Variants in MIEF2 observed in about 807,000 individuals in gnomAD.
MIEF2 encodes mitochondrial elongation factor 2, also known as mitochondrial dynamics protein MID49.
In MIEF2, 1 loss-of-function variant was observed where a neutral mutation model predicts 7.4. The ratio of observed to expected loss-of-function variants is 0.14; its 90% CI spans 0.05 to 0.64. The LOEUF is 0.64. MIEF2 is among the 30% of genes least tolerant of loss of function. MIEF2 has a pLI of 0.85. For missense variants in MIEF2, 569 were observed against 623.9 expected (o/e 0.91, Z 0.94); for synonymous variants, 275 against 290.5 (o/e 0.95, Z 0.54).
chr17:18,260,914 C>T (rs1198330156), intron 1 of MIEF2, among the ~76,000 whole-genome samples, 177 bp downstream of exon 1: 4 of 152,324 alleles, frequency 2.6e-5, no homozygotes, highest in African/African-American at 9.6e-5. Context: ...CCCTCTCGGT[C>T]TCTTGGTTTA....
At position 18,264,621 on chromosome 17, in the gene MIEF2, C is replaced by T; in HGVS notation, c.1222C>T (p.Leu408Phe). ...GERFLQALEL[L>F]IGSLEQASLP... Reference sequence around the variant, plus strand: ...GCGCTTCCTGCAAGCCCTGGAGCTGCTCATCGGCAGCCTGGAGCAGGCCAG... The same window carrying T: ...GCGCTTCCTGCAAGCCCTGGAGCTGTTCATCGGCAGCCTGGAGCAGGCCAG... Residue 408 changes from leucine to phenylalanine, a missense_variant, in exon 4 of 4, where the codon CTC (leucine) becomes TTC (phenylalanine). By Grantham distance (22) the Leu-to-Phe change is conservative. Coordinates refer to ENST00000323019, the MANE Select transcript of MIEF2 (RefSeq NM_139162.4). 6.2e-7 allele frequency: 1 copy of T among 1,611,442 alleles called. No homozygotes were observed. Among genetic ancestry groups the T allele is most frequent in the Non-Finnish European group, 8.5e-7 (1 of 1,180,000 alleles).
intron 3 of MIEF2, chr17:18,263,454 A>G: frequency 1.1e-6 from 1 of 893,916 alleles, no homozygotes. Context: ...TAGATGGGGA[A>G]ACTGAGGTCC....
intron 1 of MIEF2, among the ~76,000 whole-genome samples, chr17:18,261,827 C>G (rs1057132685): frequency 1.3e-5 from 2 of 152,238 alleles, no homozygotes; most frequent in African/African-American, 4.8e-5. Flanking sequence ...TACACATTGT[C>G]CCAAGACTGA....
At position 18,262,799 on chromosome 17, in the gene MIEF2, A is replaced by C; in HGVS notation, c.79A>C (p.Asn27His). The C allele has an allele frequency of 6.3e-7, 1 of 1,583,214 alleles. No homozygotes were observed. Among genetic ancestry groups the C allele is most frequent in the Non-Finnish European group, 8.6e-7 (1 of 1,164,846 alleles). ...LGSMVDFLLANARLVLGVGGA... is the reference protein window; with the variant it reads ...LGSMVDFLLAHARLVLGVGGA... ...CAGCATGGTGGACTTCCTCCTGGCC[A>C]ATGCCCGCCTGGTGCTGGGCGTGGG... The change falls in exon 2 of 4, where the codon AAT (asparagine) becomes CAT (histidine). Residue 27 changes from asparagine (N) to histidine (H), a missense_variant. Physicochemically the swap from Asn to His is moderately conservative, Grantham distance 68. Coordinates refer to ENST00000323019, the MANE Select transcript of MIEF2 (RefSeq NM_139162.4).
At chr17:18,261,815 C>T (rs1257271804) in intron 1 of MIEF2, among the ~76,000 whole-genome samples, 1 of 152,154 alleles carries the variant, frequency 6.6e-6, no homozygotes, top group Non-Finnish European at 1.5e-5. Flanking sequence ...CCCACCACTA[C>T]CTACACATTG....
rs1978631903 is a variant in MIEF2, at chr17:18,264,491, C to T, written c.1092C>T (p.Cys364=). The T allele has an allele frequency of 1.2e-6, 2 of 1,606,982 alleles. No homozygotes were observed. ...RRLLLLLCAV[C]RGCSALGQLG... The stretch of plus-strand genomic sequence containing the variant: ...TGCTGCTGCTGCTGTGTGCTGTCTG[C>T]CGTGGTTGCTCGGCTCTGGGGCAGC... The change falls in exon 4 of 4, where the codon TGC becomes TGT. Residue 364 remains cysteine, a synonymous_variant. Transcript: ENST00000323019.
At chr17:18,261,180 G>A in intron 1 of MIEF2, 20 of 1,551,528 alleles carry the variant, frequency 1.3e-5, no homozygotes, top group Non-Finnish European at 1.7e-5. Flanking sequence ...TATTTAAAGC[G>A]CTTTACAGTT....
At chr17:18,263,056 A>G in intron 2 of MIEF2, 30 bp from the exon 3 acceptor site, 4 of 1,608,172 alleles carry the variant, frequency 2.5e-6, no homozygotes, top group Non-Finnish European at 3.4e-6. Flanking sequence ...CAGATTTCAT[A>G]TACACTGATC....
intron 1 of MIEF2, among the ~76,000 whole-genome samples, chr17:18,261,835 T>C (rs1978433251): frequency 6.6e-6 from 1 of 152,254 alleles, no homozygotes; most frequent in Admixed American, 6.5e-5. Flanking sequence ...GTCCCAAGAC[T>C]GAGAGGCCCA....
Position 18,263,091 on chromosome 17 carries a change from T to C in MIEF2, c.153T>C (p.Ile51=), listed in dbSNP as rs1159395716. ...CTGTGTGACTGTGCTTGCAGTTCAT[T>C]GACAGGGCCACTAGCCCGCGGGATG... ...GIATLAVKRF[I]DRATSPRDED... The change falls in exon 3 of 4, where the codon ATT becomes ATC. Residue 51 remains isoleucine, a synonymous_variant. Coordinates refer to ENST00000323019, the MANE Select transcript of MIEF2 (RefSeq NM_139162.4). 2 of 1,613,084 alleles carry C rather than the reference T, an allele frequency of 1.2e-6. No individual in the cohort carries two copies. Among genetic ancestry groups the C allele is most frequent in the Admixed American group, 3.3e-5 (2 of 60,012 alleles).
chr17:18,260,803 A>T (rs1375750026), intron 1 of MIEF2, 66 bp downstream of exon 1: 1 of 326,012 alleles, frequency 3.1e-6, no homozygotes, highest in Non-Finnish European at 5.7e-6. Context: ...GCGCGACGGA[A>T]CGCAGATCGG....
Position 18,260,737 on chromosome 17 carries a change from G to A in MIEF2, c.-8G>A, listed in dbSNP as rs1016026386. The A allele has an allele frequency of 8.8e-6, 2 of 227,068 alleles. No homozygotes were observed. Among genetic ancestry groups the A allele is most frequent in the African/African-American group, 4.7e-5 (2 of 42,836 alleles). 14.1% of individuals were successfully genotyped at this position (227,068 alleles called of 1,614,324 possible). A position where few individuals can be genotyped will look rare whatever the true frequency, so the allele number is the denominator to read the frequency against. On this transcript the variant is annotated splice_region_variant and 5_prime_UTR_variant, in exon 1 of 4. Transcript: ENST00000323019. ...GTCGTCGTGCGGAAGCTGCGACGCA[G>A]GTACAGCTGGAGCGCGGCGGGGCGG...
At position 18,264,459 on chromosome 17, in the gene MIEF2, CG is replaced by C; in HGVS notation, c.1062del (p.Arg355GlyfsTer19). 1 of 1,603,034 alleles carries C rather than the reference CG, an allele frequency of 6.2e-7. No homozygotes were observed. The highest frequency in any genetic ancestry group is 8.5e-7 in the Non-Finnish European group (1 of 1,179,790). On this transcript the variant is annotated frameshift_variant, in exon 4 of 4. Transcript: ENST00000323019. LOFTEE classifies it low-confidence loss of function (END_TRUNC). Reference protein sequence around the residue: ...ALDDHDAGTRRRLLLLLCAVC... With the variant: ...ALDDHDAGTRXRLLLLLCAVC... Reference sequence around the variant, plus strand: ...GGACGACCATGACGCTGGGACTCGCCGGCGGCTGCTGCTGCTGCTGTGTGCT... The same window carrying C: ...GGACGACCATGACGCTGGGACTCGCCGCGGCTGCTGCTGCTGCTGTGTGCT...
chr17:18,264,800 G>A lies in MIEF2; in HGVS notation c.*36G>A, dbSNP rs1978661700. On this transcript the variant is annotated 3_prime_UTR_variant, in exon 4 of 4. Transcript: ENST00000323019. ...ACGGGTGGTTGCCATGTTTTCTAAT[G>A]CTGGGGAGCTGCACCCACCTCCCTT... 6.3e-7 allele frequency: 1 copy of A among 1,574,900 alleles called. No individual in the cohort carries two copies. The highest frequency in any genetic ancestry group is 1.4e-5 in the African/African-American group (1 of 73,884).
In MIEF2 at chr17:18,264,935, C is replaced by A; in HGVS notation, c.*171C>A. 1 of 1,258,572 alleles carries A rather than the reference C, an allele frequency of 7.9e-7. No individual in the cohort carries two copies. Among genetic ancestry groups the A allele is most frequent in the Non-Finnish European group, 1.1e-6 (1 of 944,090 alleles). The allele number at this position is 1,258,572 out of a possible 1,614,324, so 78.0% of individuals were successfully genotyped here. On this transcript the variant is annotated 3_prime_UTR_variant, in exon 4 of 4. Coordinates refer to ENST00000323019, the MANE Select transcript of MIEF2 (RefSeq NM_139162.4). ...GCTTGGGCTATGGTGGCCATAAACC[C>A]TGAGCCCAGAGAGCTTGGGTCACTG... is the stretch of plus-strand genomic sequence containing the variant.
At position 18,264,716 on chromosome 17, in the gene MIEF2, T is replaced by C. The variant is rs764210755; in HGVS notation, c.1317T>C (p.Ile439=). The C allele has an allele frequency of 6.2e-7, 1 of 1,612,678 alleles. No individual in the cohort carries two copies. The highest frequency in any genetic ancestry group is 8.5e-7 in the Non-Finnish European group (1 of 1,180,006). ...TGCGTGAGGAGGAGATTGACGACAT[T>C]GGCTATGCGCTATACAGTGGCCTAC... ...SSLREEEIDD[I]GYALYSGLQE... The change falls in exon 4 of 4, where the codon ATT becomes ATC. Residue 439 remains isoleucine (I), a synonymous_variant. Transcript: ENST00000323019.
chr17:18,261,095 C>T (rs1216301143), intron 1 of MIEF2: 5 of 1,551,088 alleles, frequency 3.2e-6, no homozygotes, highest in Non-Finnish European at 4.4e-6. Flanking sequence ...CTTCTCGGAG[C>T]TGGAAGGCTG....
chr17:18,266,384 C>T lies in MIEF2; in HGVS notation c.*1620C>T, dbSNP rs948046265. 2.6e-5 allele frequency: 4 copies of T among 152,120 alleles called. No individual in the cohort carries two copies. In the East Asian group the frequency reaches 7.7e-4, roughly 29 times the overall value. The allele number at this position is 152,120 out of a possible 1,614,324, so 9.4% of individuals were successfully genotyped here. A position where few individuals can be genotyped will look rare whatever the true frequency, so the allele number is the denominator to read the frequency against. The stretch of plus-strand genomic sequence containing the variant: ...AAAAAATTAGCTGGGCATGGTGGCA[C>T]ATGCCTGTAATCCCAGCTACTTGGG... On this transcript the variant is annotated 3_prime_UTR_variant, in exon 4 of 4. Coordinates refer to ENST00000323019, the MANE Select transcript of MIEF2 (RefSeq NM_139162.4).
At position 18,260,717 on chromosome 17, in the gene MIEF2, C is replaced by T. The variant is rs1291481342; in HGVS notation, c.-28C>T. ...TGGTCCCGCTGCCTCCTCCGGTCGT[C>T]GTGCGGAAGCTGCGACGCAGGTACA... On this transcript the variant is annotated 5_prime_UTR_variant, in exon 1 of 4. Coordinates refer to ENST00000323019, the MANE Select transcript of MIEF2 (RefSeq NM_139162.4). The T allele has an allele frequency of 4.9e-6, 1 of 205,294 alleles. No homozygotes were observed. The highest frequency in any genetic ancestry group is 5.8e-5 in the Admixed American group (1 of 17,104). 12.7% of individuals were successfully genotyped at this position (205,294 alleles called of 1,614,324 possible).
Sources: allele counts gnomAD v4.1 joint callset (sites outside exome capture counted in the v4.1 genomes callset), GRCh38; gene constraint gnomAD v4.1.1; transcripts MANE v1.5; gene names NCBI Gene and HGNC (gene_info 2026-07-23, HGNC 2026-07-21).